SH3TC1: variants seen among roughly 807,000 people sequenced by gnomAD.
SH3TC1 encodes the protein SH3 domain and tetratricopeptide repeats 1.
A neutral mutation model predicts 117.3 loss-of-function variants in SH3TC1; 135 were observed. The observed-to-expected ratio is 1.15, with a 90% CI of 1.00 to 1.33. SH3TC1 has a LOEUF of 1.33. Ranked by LOEUF, SH3TC1 falls within the 40% of genes most tolerant of loss-of-function variation. SH3TC1 has a pLI of 0.00. For synonymous variants in SH3TC1, 898 were observed against 816.9 expected (o/e 1.10, Z -1.69); for missense variants, 2,092 against 1,794.3 (o/e 1.17, Z -3.00).
rs780303751 is a variant in SH3TC1 at position 8,225,385 on chromosome 4, C to T, written c.1285+169C>T. On this transcript the variant is annotated intron_variant, in intron 11 of 17. Coordinates refer to ENST00000245105, the MANE Select transcript of SH3TC1 (RefSeq NM_018986.5). The surrounding 1 kb of genome is among the most constrained non-coding windows in gnomAD (Gnocchi z 5.5). ...TTGCCTGAGGTGGGCCTGAACCTCCCGTCCACTGTGGCACTGGAGGCCGTG... is the reference window on the plus strand; with the variant it reads ...TTGCCTGAGGTGGGCCTGAACCTCCTGTCCACTGTGGCACTGGAGGCCGTG... Among the ~76,000 whole-genome samples, 6 of 152,106 alleles carry T rather than the reference C, an allele frequency of 3.9e-5. No individual in the cohort carries two copies. Among genetic ancestry groups the T allele is most frequent in the South Asian group, 2.1e-4 (1 of 4,826 alleles).
intron 1 of SH3TC1, among the ~76,000 whole-genome samples, chr4:8,189,045 C>T (rs551561951): frequency 6.6e-6 from 1 of 152,408 alleles, no homozygotes; most frequent in South Asian, 2.1e-4. Flanking sequence ...CAGCTGCCCA[C>T]ACAGCTTTGC....
At position 8,217,183 on chromosome 4, in the gene SH3TC1, TG is replaced by T. The variant is rs1220295204; in HGVS notation, c.839+17del. On this transcript the variant is annotated intron_variant, in intron 7 of 17. Coordinates refer to ENST00000245105, the MANE Select transcript of SH3TC1 (RefSeq NM_018986.5). ...CATTTCATCAGTAGGTACCGGCCTT[TG>T]CTGCTCTGAGAGCTGTTGGCCTCGC... 1.9e-6 allele frequency: 3 copies of T among 1,586,746 alleles called. No individual in the cohort carries two copies. In the African/African-American group the frequency reaches 4.0e-5, roughly 21 times the overall value.
At chr4:8,197,725 G>GA (rs1235111535), upstream of SH3TC1, among the ~76,000 whole-genome samples, 1 of 14,462 alleles carries the variant, frequency 6.9e-5, no homozygotes, top group African/African-American at 9.4e-5. Context: ...TCAGGGCAGC[G>GA]AGGGGCATGC....
intron 12 of SH3TC1, among the ~76,000 whole-genome samples, chr4:8,228,856 G>A (rs1416448249): frequency 6.6e-6 from 1 of 152,228 alleles, no homozygotes; most frequent in African/African-American, 2.4e-5. Context: ...GCTCCTCCCG[G>A]TTTGCCCAGG....
At position 8,209,533 on chromosome 4, in the gene SH3TC1, G is replaced by A. The variant is rs1466463488; in HGVS notation, c.173-215G>A. The A allele has an allele frequency of 5.8e-6, 6 of 1,037,506 alleles. No individual in the cohort carries two copies. Among genetic ancestry groups the A allele is most frequent in the Non-Finnish European group, 7.1e-6 (5 of 709,052 alleles). 64.3% of individuals were successfully genotyped at this position (1,037,506 alleles called of 1,614,324 possible). A position where few individuals can be genotyped will look rare whatever the true frequency, so the allele number is the denominator to read the frequency against. ...GTCGTGTGGTCTTAAGCCTCTGAGT[G>A]TGGGGCAGCTTGTCACAGCATGCTG... is the stretch of plus-strand genomic sequence containing the variant. On this transcript the variant is annotated intron_variant, in intron 2 of 17. Coordinates refer to ENST00000245105, the MANE Select transcript of SH3TC1 (RefSeq NM_018986.5). This position sits in a 1 kb window ranked among gnomAD's most constrained non-coding sequence, Gnocchi z 5.9.
Position 8,227,918 on chromosome 4 carries a change from G to A in SH3TC1, c.2224G>A (p.Ala742Thr). ...VASLRTRGSL[A>T]GSLRSVNLVL... is the part of the protein sequence containing the mutation. Reference sequence around the variant, plus strand: ...CTCATTGCGGACACGGGGCTCGCTGGCCGGCTCGCTGAGGAGTGTGAACCT... The same window carrying A: ...CTCATTGCGGACACGGGGCTCGCTGACCGGCTCGCTGAGGAGTGTGAACCT... The change falls in exon 12 of 18, where the codon GCC (alanine) becomes ACC (threonine). Residue 742 changes from alanine to threonine, a missense_variant. Transcript: ENST00000245105. 1.9e-6 allele frequency: 3 copies of A among 1,612,600 alleles called. No individual in the cohort carries two copies. Among genetic ancestry groups the A allele is most frequent in the Non-Finnish European group, 2.5e-6 (3 of 1,179,926 alleles).
chr4:8,195,216 CA>C (rs1474747436), upstream of SH3TC1, among the ~76,000 whole-genome samples: 1 of 152,222 alleles, frequency 6.6e-6, no homozygotes, highest in African/African-American at 2.4e-5. Context: ...GAATTTATTA[CA>C]ACCACATCAG....
chr4:8,220,986 T>A (rs1180744501), intron 9 of SH3TC1, among the ~76,000 whole-genome samples: 1 of 152,234 alleles, frequency 6.6e-6, no homozygotes, highest in Admixed American at 6.5e-5. Flanking sequence ...AAAAGCTTTG[T>A]CCACATCCCT....
Position 8,228,483 on chromosome 4 carries a change from T to G in SH3TC1, c.2789T>G (p.Val930Gly). 6.2e-7 allele frequency: 1 copy of G among 1,610,624 alleles called. No individual in the cohort carries two copies. Among genetic ancestry groups the G allele is most frequent in the Non-Finnish European group, 8.5e-7 (1 of 1,179,082 alleles). Residue 930 changes from valine (V) to glycine (G), a missense_variant, in exon 12 of 18, where the codon GTG becomes GGG. Transcript: ENST00000245105. ...RLAQHYLLEAVRLFSRLPLGE... is the reference protein window; with the variant it reads ...RLAQHYLLEAGRLFSRLPLGE... ...GCCCAGCACTACCTCCTGGAGGCCG[T>G]GCGGCTGTTCTCGAGGCTGCCCCTT...
chr4:8,238,378 C>T (rs1722010987), intron 17 of SH3TC1, among the ~76,000 whole-genome samples: 1 of 152,196 alleles, frequency 6.6e-6, no homozygotes, highest in Admixed American at 6.5e-5. Flanking sequence ...GGGTGGAGAA[C>T]TGGGACCGGC....
chr4:8,184,420 C>A (rs1717165449), intron 1 of SH3TC1, among the ~76,000 whole-genome samples: 1 of 151,948 alleles, frequency 6.6e-6, no homozygotes, highest in African/African-American at 2.4e-5. Context: ...TTGCTCTGTG[C>A]CCCGGCTGGA....
Position 8,210,824 on chromosome 4 carries a change from G to T in SH3TC1, c.247+1002G>T, listed in dbSNP as rs972786140. ...GTGGAATGATGGGCTGGTGCCTCCT[G>T]TTGGGGGAGTGGATTCCAGATTCCA... On this transcript the variant is annotated intron_variant, in intron 3 of 17. Transcript: ENST00000245105. The surrounding 1 kb of genome is among the most constrained non-coding windows in gnomAD (Gnocchi z 4.1). Among the ~76,000 whole-genome samples the T allele has an allele frequency of 2.0e-5, 3 of 149,212 alleles. No individual in the cohort carries two copies. Among genetic ancestry groups the T allele is most frequent in the Non-Finnish European group, 4.4e-5 (3 of 67,674 alleles).
At chr4:8,235,663 C>T (rs953150750) in intron 15 of SH3TC1, 108 bp downstream of exon 15, 5 of 1,387,974 alleles carry the variant, frequency 3.6e-6, no homozygotes, top group Middle Eastern at 2.5e-4. Context: ...CAGGGCCGCC[C>T]ATGCACATGC....
Position 8,212,731 on chromosome 4 carries a change from G to A in SH3TC1, c.278G>A (p.Arg93Lys), listed in dbSNP as rs1718861147. The change falls in exon 4 of 18, where the codon AGG becomes AAG. Residue 93 changes from arginine to lysine, a missense_variant. By Grantham distance (26) the Arg-to-Lys change is conservative. Transcript: ENST00000245105. ...ACCCTGCAGCTGCTGGCTGTGCGGA[G>A]GAAGAGCAGACTGCGGGACCCCGGC... ...DLTLQLLAVR[R>K]KSRLRDPGLQ... 5 of 1,612,976 alleles carry A rather than the reference G, an allele frequency of 3.1e-6. No homozygotes were observed. The East Asian group carries it at 1.1e-4, about 36-fold the overall frequency.
rs180835050 is a variant in SH3TC1 at position 8,225,769 on chromosome 4, C to T, written c.1285+553C>T. Among the ~76,000 whole-genome samples the T allele has an allele frequency of 6.6e-5, 10 of 152,278 alleles. No individual in the cohort carries two copies. In the South Asian group the frequency reaches 1.0e-3, roughly 16 times the overall value. On this transcript the variant is annotated intron_variant, in intron 11 of 17. Transcript: ENST00000245105. The surrounding 1 kb of genome is among the most constrained non-coding windows in gnomAD (Gnocchi z 5.5). Reference sequence around the variant, plus strand: ...GGGATGTGGACACCCCAAGAGCCCTCGGAAGTTCCCTGGGAATGGGATCCA... The same window carrying T: ...GGGATGTGGACACCCCAAGAGCCCTTGGAAGTTCCCTGGGAATGGGATCCA...
Position 8,228,539 on chromosome 4 carries a change from C to T in SH3TC1, c.2845C>T (p.Leu949Phe), listed in dbSNP as rs1360526634. 1 of 1,610,610 alleles carries T rather than the reference C, an allele frequency of 6.2e-7. No homozygotes were observed. The highest frequency in any genetic ancestry group is 1.7e-5 in the Admixed American group (1 of 59,854). Residue 949 changes from leucine to phenylalanine, a missense_variant, in exon 12 of 18, where the codon CTC (leucine) becomes TTC (phenylalanine). Transcript: ENST00000245105. Reference sequence around the variant, plus strand: ...GTGTGGCCGGGACTTCACCCACGTGCTCCTGCAGCTGGGCCATCTCTGCAC... The same window carrying T: ...GTGTGGCCGGGACTTCACCCACGTGTTCCTGCAGCTGGGCCATCTCTGCAC... ...GECGRDFTHV[L>F]LQLGHLCTRQ...
intron 1 of SH3TC1, 115 bp downstream of exon 1, chr4:8,199,520 G>A (rs1578643518): frequency 6.6e-6 from 1 of 152,262 alleles, no homozygotes; most frequent in Non-Finnish European, 1.5e-5. Flanking sequence ...ACCTGTTTGG[G>A]ATGGGGGTGG....
intron 5 of SH3TC1, chr4:8,215,265 C>G (rs773252941): frequency 2.2e-6 from 1 of 456,048 alleles, no homozygotes; most frequent in South Asian, 1.5e-5. Context: ...TGGCACATTC[C>G]CTGTTCCATT....
rs1454955244 is a variant in SH3TC1 at position 8,211,272 on chromosome 4, C to CT, written c.248-1429_248-1428insT. 1.8e-3 allele frequency among the ~76,000 whole-genome samples: 92 copies of CT among 50,004 alleles called. 4 individuals are homozygous for CT. The highest frequency in any genetic ancestry group is 8.0e-3 in the African/African-American group (86 of 10,780). 32.8% of individuals were successfully genotyped at this position (50,004 alleles called of 152,430 possible). On this transcript the variant is annotated intron_variant, in intron 3 of 17. Coordinates refer to ENST00000245105, the MANE Select transcript of SH3TC1 (RefSeq NM_018986.5). The stretch of plus-strand genomic sequence containing the variant: ...CTCTCCCCACCGTCCTGTTTTCTCC[C>CT]CCTCCCTCCTTCTCCCCCTCCCGTT...
Sources: gnomAD v4.1 joint callset for allele counts (sites outside exome capture counted in the v4.1 genomes callset) on GRCh38, gnomAD v4.1.1 for gene constraint, Gnocchi (gnomAD v3.1) non-coding constraint, MANE v1.5 for transcripts, NCBI Gene and HGNC (gene_info 2026-07-23, HGNC 2026-07-21) for gene names.